Variants in DAW1 observed in about 807,000 individuals in gnomAD.
The protein encoded by DAW1 is dynein assembly factor with WD repeat domains 1.
In DAW1, 47 loss-of-function variants were observed where a neutral mutation model predicts 56.5. The ratio of observed to expected loss-of-function variants is 0.83; its 90% CI spans 0.66 to 1.06. DAW1 has a LOEUF of 1.06. DAW1 is among the 50% of genes least tolerant of loss of function. The pLI, the probability that DAW1 is intolerant of heterozygous loss-of-function variation, is 0.00. For synonymous variants in DAW1, 190 were observed against 179.0 expected (o/e 1.06, Z -0.49); for missense variants, 505 against 499.3 (o/e 1.01, Z -0.11).
chr2:227,893,970 A>G, intron 5 of DAW1, 53 bp downstream of exon 5: 1 of 1,479,878 alleles, frequency 6.8e-7, no homozygotes, highest in Non-Finnish European at 9.0e-7. Context: ...TCATCCCTCC[A>G]TCTGCTTGGG....
Position 227,889,892 on chromosome 2 carries a change from G to A in DAW1, c.150G>A (p.Lys50=), listed in dbSNP as rs1458037744. The stretch of plus-strand genomic sequence containing the variant: ...GTGCGTTAGTAGAAGAAATCCAGAA[G>A]GCAGAACCTCTACTCACAGCTTCAC... ...DVSALVEEIQ[K]AEPLLTASRT... is the part of the protein sequence containing the mutation. Residue 50 remains lysine, a synonymous_variant, in exon 3 of 13, where the codon AAG becomes AAA. Transcript: ENST00000309931. 1.9e-6 allele frequency: 3 copies of A among 1,607,542 alleles called. No individual in the cohort carries two copies. Among genetic ancestry groups the A allele is most frequent in the Admixed American group, 1.7e-5 (1 of 58,394 alleles).
At chr2:227,882,729 CA>C (rs1047972087) in intron 1 of DAW1, among the ~76,000 whole-genome samples, 11 of 152,190 alleles carry the variant, frequency 7.2e-5, no homozygotes, top group African/African-American at 2.4e-4. Flanking sequence ...GTAATTGGAT[CA>C]GGGGGAGGTT....
chr2:227,910,630 A>T (rs973037400), intron 10 of DAW1, among the ~76,000 whole-genome samples: 1 of 152,070 alleles, frequency 6.6e-6, no homozygotes, highest in Non-Finnish European at 1.5e-5. Flanking sequence ...TAACAACCCC[A>T]TAAGATGCTA....
At position 227,910,730 on chromosome 2, in the gene DAW1, T is replaced by C. The variant is rs191754652; in HGVS notation, c.973+3478T>C. 4.0e-3 allele frequency among the ~76,000 whole-genome samples: 616 copies of C among 152,268 alleles called. 2 individuals carry two copies. The highest frequency in any genetic ancestry group is 0.014 in the African/African-American group (574 of 41,540). ...TAATCTCCAGGACCTACAAATATGA[T>C]ACTACACTATGTCCATGCCATTTGG... On this transcript the variant is annotated intron_variant, in intron 10 of 12. Transcript: ENST00000309931.
rs1444419498 is a variant in DAW1 at position 227,918,745 on chromosome 2, A to C, written c.974-35A>C. 5 of 1,607,048 alleles carry C rather than the reference A, an allele frequency of 3.1e-6. No homozygotes were observed. In the African/African-American group the frequency reaches 6.7e-5, roughly 22 times the overall value. On this transcript the variant is annotated intron_variant, in intron 10 of 12. Coordinates refer to ENST00000309931, the MANE Select transcript of DAW1 (RefSeq NM_178821.3). ...TTTTATCCAAAGTTCTGTATTTAAG[A>C]TGAATTTATATATATCCCCACCCCT...
chr2:227,904,044 C>T (rs1691619711), intron 7 of DAW1, among the ~76,000 whole-genome samples: 1 of 151,240 alleles, frequency 6.6e-6, no homozygotes, highest in South Asian at 2.1e-4. Context: ...AGGGAAAGGT[C>T]CCCATTAATG....
At chr2:227,885,514 A>T (rs1011884877) in intron 2 of DAW1, 91 bp downstream of exon 2, 35 of 934,236 alleles carry the variant, frequency 3.7e-5, no homozygotes, top group East Asian at 2.4e-4. Flanking sequence ...ACTGCAGATA[A>T]TACATTATGT....
At chr2:227,909,217 A>C (rs1488839619) in intron 10 of DAW1, among the ~76,000 whole-genome samples, 1 of 141,996 alleles carries the variant, frequency 7.0e-6, no homozygotes, top group East Asian at 2.1e-4. Context: ...CACCACCTTT[A>C]GAAAGGTGGT....
In DAW1 at chr2:227,903,078, T is replaced by C. The variant is rs767182083; in HGVS notation, c.617T>C (p.Ile206Thr). 3 of 1,614,182 alleles carry C rather than the reference T, an allele frequency of 1.9e-6. No homozygotes were observed. The East Asian group carries it at 6.7e-5, about 36-fold the overall frequency. Residue 206 changes from isoleucine to threonine, a missense_variant, in exon 7 of 13, where the codon ATT (isoleucine) becomes ACT (threonine). Transcript: ENST00000309931. ...GACACAACAGCCAAATTGTGGGACA[T>C]TCAGAATGGCGAGGAAGTTTACACC... ...SMDTTAKLWD[I>T]QNGEEVYTLR...
At chr2:227,902,221 G>T (rs1236164358) in intron 6 of DAW1, among the ~76,000 whole-genome samples, 1 of 152,202 alleles carries the variant, frequency 6.6e-6, no homozygotes, top group South Asian at 2.1e-4. Flanking sequence ...CCTTGGCTGG[G>T]TGATGAGGCA....
At chr2:227,872,110 T>C (rs56359270) in intron 1 of DAW1, 19,784 of 202,812 alleles carry the variant, frequency 0.098, 1,143 homozygotes, top group Non-Finnish European at 0.12. Flanking sequence ...ACATAAGCAA[T>C]ACATTAATTA....
At chr2:227,909,967 G>A (rs551926046) in intron 10 of DAW1, among the ~76,000 whole-genome samples, 7 of 152,052 alleles carry the variant, frequency 4.6e-5, no homozygotes, top group South Asian at 2.1e-4. Flanking sequence ...ATGCCGCACT[G>A]TGTGTGTATA....
rs937075847 is a variant in DAW1, at chr2:227,882,427, A to G, written c.41-2924A>G. On this transcript the variant is annotated intron_variant, in intron 1 of 12. Coordinates refer to ENST00000309931, the MANE Select transcript of DAW1 (RefSeq NM_178821.3). Reference sequence around the variant, plus strand: ...ATTTATTCTTCACTGACACACACTCACAATAGGAAAACATCAAAAAAATCC... The same window carrying G: ...ATTTATTCTTCACTGACACACACTCGCAATAGGAAAACATCAAAAAAATCC... Among the ~76,000 whole-genome samples the G allele has an allele frequency of 4.6e-5, 7 of 152,310 alleles. No homozygotes were observed. The East Asian group carries it at 1.4e-3, about 29-fold the overall frequency.
At chr2:227,911,738 T>C (rs143309132) in intron 10 of DAW1, among the ~76,000 whole-genome samples, 1 of 152,314 alleles carries the variant, frequency 6.6e-6, no homozygotes, top group Non-Finnish European at 1.5e-5. Context: ...TATGTCTGTG[T>C]CATTGCCTTG....
intron 1 of DAW1, among the ~76,000 whole-genome samples, chr2:227,877,676 C>T (rs990317118): frequency 1.3e-5 from 2 of 152,202 alleles, no homozygotes; most frequent in African/African-American, 2.4e-5. Flanking sequence ...GTTAGATTTG[C>T]GTAAAGAGTG....
chr2:227,886,857 G>A (rs1215579241), intron 2 of DAW1, among the ~76,000 whole-genome samples: 1 of 152,242 alleles, frequency 6.6e-6, no homozygotes, highest in Admixed American at 6.5e-5. Context: ...TCCTGTGAGA[G>A]CCTAAGTTCA....
At chr2:227,900,622 A>C (rs867809239) in intron 6 of DAW1, among the ~76,000 whole-genome samples, 162 of 152,312 alleles carry the variant, frequency 1.1e-3, no homozygotes, top group African/African-American at 3.6e-3. Flanking sequence ...CATTCCAGGC[A>C]GACCGAGCAG....
chr2:227,873,473 G>A (rs1220853658), intron 1 of DAW1, among the ~76,000 whole-genome samples: 2 of 152,180 alleles, frequency 1.3e-5, no homozygotes, highest in African/African-American at 2.4e-5. Context: ...TGTTTGATGA[G>A]AGGTCAGGTA....
intron 8 of DAW1, among the ~76,000 whole-genome samples, chr2:227,905,625 C>T (rs1230311703): frequency 6.6e-6 from 1 of 152,248 alleles, no homozygotes; most frequent in Non-Finnish European, 1.5e-5. Flanking sequence ...GGGGTGCACT[C>T]ACCCGGTGTA....
Sources: gnomAD v4.1 joint callset for allele counts (sites outside exome capture counted in the v4.1 genomes callset) on GRCh38, gnomAD v4.1.1 for gene constraint, MANE v1.5 for transcripts, NCBI Gene and HGNC (gene_info 2026-07-23, HGNC 2026-07-21) for gene names.